SIPA1L1: variants seen among roughly 807,000 people sequenced by gnomAD.
The protein encoded by SIPA1L1 is signal-induced proliferation-associated 1-like protein 1.
A neutral mutation model predicts 162.7 loss-of-function variants in SIPA1L1; 26 were observed. The ratio of observed to expected loss-of-function variants is 0.16; its 90% CI spans 0.12 to 0.22. The LOEUF is 0.22. Ranked by LOEUF, SIPA1L1 falls within the 10% of genes least tolerant of loss-of-function variation. The probability of loss-of-function intolerance (pLI) is 1.00; values close to 1 mark genes in which losing one functional copy is unlikely to be tolerated. For missense variants in SIPA1L1, 1,874 were observed against 2,241.0 expected (o/e 0.84, Z 3.31); for synonymous variants, 829 against 837.4 (o/e 0.99, Z 0.17).
rs2150233426 is a variant in SIPA1L1, at chr14:71,724,832, T to A, written c.4611T>A (p.Phe1537Leu). The change falls in exon 19 of 24, where the codon TTT becomes TTA. Residue 1537 changes from phenylalanine (F) to leucine (L), a missense_variant. Phe to Leu is a conservative substitution (Grantham distance 22, BLOSUM62 0). Around this residue, in one of 5 missense-constraint regions of SIPA1L1, gnomAD observed 936 missense variants for 1,051.9 expected, o/e 0.89. Coordinates refer to ENST00000381232, the MANE Select transcript of SIPA1L1 (RefSeq NM_001386936.1). ...ESPTPESQKS[F>L]KFHALSSPQS... ...CAACTCCTGAATCACAGAAGAGTTT[T>A]AAGGTACAAGACAGAGCTCAGGGTA... The A allele has an allele frequency of 1.9e-6, 3 of 1,613,996 alleles. No homozygotes were observed. The highest frequency in any genetic ancestry group is 2.2e-5 in the East Asian group (1 of 44,886).
At chr14:71,537,449 A>G (rs776981540) in intron 4 of SIPA1L1, among the ~76,000 whole-genome samples, 1 of 152,004 alleles carries the variant, frequency 6.6e-6, no homozygotes, top group Admixed American at 6.6e-5. Flanking sequence ...AGGTGATCCA[A>G]CCGCCTCAGC....
chr14:71,469,018 C>G (rs1378191313), intron 2 of SIPA1L1, among the ~76,000 whole-genome samples: 1 of 151,572 alleles, frequency 6.6e-6, no homozygotes, highest in Non-Finnish European at 1.5e-5. Context: ...CCCTTACTTT[C>G]TAAGTCTTTT....
chr14:71,447,723 C>G (rs1421405959), intron 2 of SIPA1L1, among the ~76,000 whole-genome samples: 1 of 151,918 alleles, frequency 6.6e-6, no homozygotes, highest in Non-Finnish European at 1.5e-5. Context: ...GCCACCACAC[C>G]TGGCTAATTT....
Position 71,685,164 on chromosome 14 carries a change from A to G in SIPA1L1, c.3105-198A>G, listed in dbSNP as rs117206006. ...TCAAAAAGTTGGGATTGAGTAAAGG[A>G]AAATACTATTATAATACTTCCTTGG... On this transcript the variant is annotated intron_variant, in intron 12 of 23. Coordinates refer to ENST00000381232, the MANE Select transcript of SIPA1L1 (RefSeq NM_001386936.1). Among the ~76,000 whole-genome samples, 865 of 152,300 alleles carry G rather than the reference A, an allele frequency of 5.7e-3. 5 individuals are homozygous for G. Among genetic ancestry groups the G allele is most frequent in the Middle Eastern group, 0.01 (3 of 294 alleles).
At chr14:71,362,309 A>C (rs1306106860) in intron 2 of SIPA1L1, among the ~76,000 whole-genome samples, 1 of 152,260 alleles carries the variant, frequency 6.6e-6, no homozygotes, top group Admixed American at 6.5e-5. Flanking sequence ...AGTTTGATCA[A>C]GTATGGTGTA....
At chr14:71,527,678 TCTCACA>T (rs1322393682) in intron 3 of SIPA1L1, among the ~76,000 whole-genome samples, 1 of 152,214 alleles carries the variant, frequency 6.6e-6, no homozygotes, top group Non-Finnish European at 1.5e-5. Context: ...CATGGCTGAA[TCTCACA>T]CACACTGAGG....
intron 5 of SIPA1L1, among the ~76,000 whole-genome samples, chr14:71,608,584 A>AT (rs973577565): frequency 6.6e-6 from 1 of 152,098 alleles, no homozygotes. Flanking sequence ...AACCAAATGC[A>AT]TTTTTTATAC....
intron 18 of SIPA1L1, 104 bp downstream of exon 18, chr14:71,723,990 G>A (rs1258291597): frequency 7.6e-7 from 1 of 1,307,560 alleles, no homozygotes; most frequent in Non-Finnish European, 1.1e-6. Flanking sequence ...GGGCTAGGGG[G>A]TTGGCAGGAG....
chr14:71,356,567 C>CAAAAAAAAAAAAAAA (rs71105772), intron 2 of SIPA1L1, among the ~76,000 whole-genome samples: 397 of 39,132 alleles, frequency 0.01, 145 homozygotes, highest in Middle Eastern at 0.036. Flanking sequence ...CTTGTCTCTA[C>CAAAAAAAAAAAAAAA]AAAAAAAAAA....
Position 71,588,334 on chromosome 14 carries a change from C to T in SIPA1L1, c.462C>T (p.Leu154=), listed in dbSNP as rs779874033. ...CGGAGAACATGGACTCCAGATTTCT[C>T]ATGCCTGAAGCCTACCCCAGCTCCC... ...RPSENMDSRF[L]MPEAYPSSPR... The change falls in exon 5 of 24, where the codon CTC becomes CTT. Residue 154 remains leucine, a synonymous_variant. Transcript: ENST00000381232. This position sits in a 1 kb window ranked among gnomAD's most constrained non-coding sequence, Gnocchi z 4.3. 3 of 1,613,604 alleles carry T rather than the reference C, an allele frequency of 1.9e-6. No individual in the cohort carries two copies. The highest frequency in any genetic ancestry group is 2.7e-5 in the African/African-American group (2 of 74,940).
At chr14:71,582,733 G>C (rs2034110416) in intron 4 of SIPA1L1, among the ~76,000 whole-genome samples, 1 of 152,150 alleles carries the variant, frequency 6.6e-6, no homozygotes, top group African/African-American at 2.4e-5. Context: ...CTTTCAGAGA[G>C]TGAACATTAG....
At chr14:71,389,435 T>A (rs2040582619) in intron 2 of SIPA1L1, among the ~76,000 whole-genome samples, 1 of 152,244 alleles carries the variant, frequency 6.6e-6, no homozygotes, top group Admixed American at 6.5e-5. Context: ...TGATCATTGC[T>A]CAGAAAATCT....
At chr14:71,570,062 A>C (rs1183197182) in intron 4 of SIPA1L1, among the ~76,000 whole-genome samples, 1 of 152,126 alleles carries the variant, frequency 6.6e-6, no homozygotes, top group Non-Finnish European at 1.5e-5. Context: ...GATTCCCTGG[A>C]TGTAGATACA....
At chr14:71,639,514 T>C (rs1328357214) in intron 7 of SIPA1L1, among the ~76,000 whole-genome samples, 1 of 152,210 alleles carries the variant, frequency 6.6e-6, no homozygotes, top group African/African-American at 2.4e-5. Flanking sequence ...ATACAAAGTT[T>C]AACTTCTTAA....
chr14:71,584,699 G>A (rs1397982834), intron 4 of SIPA1L1, among the ~76,000 whole-genome samples: 2 of 152,138 alleles, frequency 1.3e-5, no homozygotes, highest in African/African-American at 4.8e-5. Flanking sequence ...CTAAACTGTG[G>A]GCCCTCTAGA....
intron 5 of SIPA1L1, among the ~76,000 whole-genome samples, chr14:71,607,289 C>T (rs2037641578): frequency 6.6e-6 from 1 of 151,210 alleles, no homozygotes; most frequent in Non-Finnish European, 1.5e-5. Flanking sequence ...GAAAAGCCTG[C>T]ATGGTGTGGT....
chr14:71,414,976 G>A (rs1232140996), intron 2 of SIPA1L1, among the ~76,000 whole-genome samples: 1 of 152,224 alleles, frequency 6.6e-6, no homozygotes, highest in African/African-American at 2.4e-5. Context: ...ACTGTCATAT[G>A]TTAAATTCTG....
chr14:71,664,174 T>C (rs901367623), intron 10 of SIPA1L1, among the ~76,000 whole-genome samples: 1 of 152,126 alleles, frequency 6.6e-6, no homozygotes, highest in Non-Finnish European at 1.5e-5. Flanking sequence ...ATGGAAAATA[T>C]CAGTTTTCAG....
At chr14:71,672,220 C>T (rs556788357) in intron 11 of SIPA1L1, 128 bp from the exon 12 acceptor site, 2 of 868,406 alleles carry the variant, frequency 2.3e-6, no homozygotes, top group East Asian at 2.6e-5. Context: ...GAGGAAATAA[C>T]CAGACTGCTC....
Sources: gnomAD v4.1 joint callset for allele counts (sites outside exome capture counted in the v4.1 genomes callset) on GRCh38, gnomAD v4.1.1 for gene constraint, gnomAD v4.1.1 regional missense constraint, Gnocchi (gnomAD v3.1) non-coding constraint, MANE v1.5 for transcripts, NCBI Gene and HGNC (gene_info 2026-07-23, HGNC 2026-07-21) for gene names.